MAST4: variants seen among roughly 807,000 people sequenced by gnomAD.
The protein encoded by MAST4 is microtubule-associated serine/threonine-protein kinase 4.
Under a neutral mutation model 162.7 loss-of-function variants are expected in MAST4, and 89 were observed. That is an observed-to-expected ratio of 0.55 (90% CI 0.46 to 0.65). The LOEUF is 0.65. Ranked by LOEUF, MAST4 falls within the 30% of genes least tolerant of loss-of-function variation. MAST4 has a pLI of 0.00. For synonymous variants in MAST4, 1,479 were observed against 1,361.1 expected, an observed-to-expected ratio of 1.09 and a Z score of -1.91; for missense variants, 3,153 against 3,374.0, an observed-to-expected ratio of 0.93 and a Z score of 1.62.
In MAST4 at chr5:67,167,644, A is replaced by AT. The variant is rs1468311849; in HGVS notation, c.*594dup. 6.6e-6 allele frequency: 1 copy of AT among 152,224 alleles called. No individual in the cohort carries two copies. Among genetic ancestry groups the AT allele is most frequent in the Non-Finnish European group, 1.5e-5 (1 of 68,046 alleles). 9.4% of individuals were successfully genotyped at this position (152,224 alleles called of 1,614,324 possible). On this transcript the variant is annotated 3_prime_UTR_variant, in exon 29 of 29. Coordinates refer to ENST00000403625, the MANE Select transcript of MAST4 (RefSeq NM_001164664.2). ...TAAACACAGTAGATTCTGAGTTTTT[A>AT]TGTGTATTTTAACCAGAGTTTCTGA... is the stretch of plus-strand genomic sequence containing the variant.
chr5:66,665,424 A>G (rs1417355996), intron 1 of MAST4, among the ~76,000 whole-genome samples: 1 of 152,216 alleles, frequency 6.6e-6, no homozygotes, highest in African/African-American at 2.4e-5. Context: ...CCTTTAAATA[A>G]TTAATGACAA....
intron 5 of MAST4, among the ~76,000 whole-genome samples, chr5:67,069,698 C>T (rs1220237359): frequency 1.3e-5 from 2 of 152,052 alleles, no homozygotes; most frequent in Non-Finnish European, 2.9e-5. Flanking sequence ...GGCCAGGTAT[C>T]CCCTTGTTTA....
intron 4 of MAST4, among the ~76,000 whole-genome samples, chr5:66,926,737 G>T (rs1255369314): frequency 2.6e-5 from 4 of 150,948 alleles, no homozygotes; most frequent in Admixed American, 1.3e-4. Flanking sequence ...GTTGCTTTTT[G>T]TTTTTTTGCT....
In MAST4 at chr5:67,102,590, C is replaced by A. The variant is rs771671231; in HGVS notation, c.1125C>A (p.Val375=). ...ATGAAATAATTATGATGAACCATGTCTACAAAGAAAGGTTCCCAAAGGTAA... is the reference window on the plus strand; with the variant it reads ...ATGAAATAATTATGATGAACCATGTATACAAAGAAAGGTTCCCAAAGGTAA... ...CDHEIIMMNH[V]YKERFPKATA... Residue 375 remains valine, a synonymous_variant, in exon 9 of 29, where the codon GTC becomes GTA. Transcript: ENST00000403625. The A allele has an allele frequency of 6.2e-7, 1 of 1,613,780 alleles. No individual in the cohort carries two copies. The highest frequency in any genetic ancestry group is 8.5e-7 in the Non-Finnish European group (1 of 1,179,722).
Position 66,937,165 on chromosome 5 carries a change from A to G in MAST4, c.674+37183A>G, listed in dbSNP as rs184360707. On this transcript the variant is annotated intron_variant, in intron 4 of 28. Transcript: ENST00000403625. Reference sequence around the variant, plus strand: ...TAATAAATATTTAAGCCCCTACTGTATGTCAAGCACTGCACATTTAGGTGT... The same window carrying G: ...TAATAAATATTTAAGCCCCTACTGTGTGTCAAGCACTGCACATTTAGGTGT... 4.3e-4 allele frequency among the ~76,000 whole-genome samples: 65 copies of G among 152,332 alleles called. 1 individual carries two copies. The highest frequency in any genetic ancestry group is 1.5e-3 in the African/African-American group (62 of 41,580).
chr5:66,970,792 C>T (rs1006655947), intron 4 of MAST4, among the ~76,000 whole-genome samples: 9 of 152,202 alleles, frequency 5.9e-5, no homozygotes, highest in African/African-American at 1.9e-4. Context: ...CAGTTTTCAC[C>T]CTGTGGCTGG....
chr5:66,726,675 G>A lies in MAST4; in HGVS notation c.364-33034G>A, dbSNP rs114913359. 9.5e-3 allele frequency among the ~76,000 whole-genome samples: 1,448 copies of A among 152,186 alleles called. 6 individuals carry two copies. Among genetic ancestry groups the A allele is most frequent in the Non-Finnish European group, 0.015 (1,026 of 67,998 alleles). ...TTCTTACTGGTCCATGGCCTCTTAG[G>A]ACCTAGGTCATACAGCAGGAGGTAA... On this transcript the variant is annotated intron_variant, in intron 1 of 28. Coordinates refer to ENST00000403625, the MANE Select transcript of MAST4 (RefSeq NM_001164664.2).
chr5:66,694,170 G>A (rs1749242069), intron 1 of MAST4, among the ~76,000 whole-genome samples: 1 of 152,196 alleles, frequency 6.6e-6, no homozygotes, highest in Admixed American at 6.5e-5. Context: ...TGGACATCTT[G>A]AATTTGAATT....
Position 66,756,451 on chromosome 5 carries a change from C to G in MAST4, c.364-3258C>G, listed in dbSNP as rs116735100. On this transcript the variant is annotated intron_variant, in intron 1 of 28. Coordinates refer to ENST00000403625, the MANE Select transcript of MAST4 (RefSeq NM_001164664.2). ...GGGGTATCATGCCCAGGCTTAGATG[C>G]CCTTGAACATCAGTGAAAGTTTCAA... is the stretch of plus-strand genomic sequence containing the variant. Among the ~76,000 whole-genome samples the G allele has an allele frequency of 5.4e-3, 821 of 152,262 alleles. 7 individuals are homozygous for G. Among genetic ancestry groups the G allele is most frequent in the South Asian group, 0.05 (240 of 4,824 alleles).
chr5:66,988,153 A>T (rs1156693960), intron 4 of MAST4, among the ~76,000 whole-genome samples: 1 of 152,210 alleles, frequency 6.6e-6, no homozygotes, highest in African/African-American at 2.4e-5. Flanking sequence ...TACTTCAGCC[A>T]CTAGAGGGAA....
intron 4 of MAST4, among the ~76,000 whole-genome samples, chr5:67,027,551 T>A (rs1754812253): frequency 1.3e-5 from 2 of 152,210 alleles, no homozygotes; most frequent in African/African-American, 4.8e-5. Context: ...ATGGCAGAGC[T>A]TCCTTCTAGT....
chr5:67,147,389 G>T (rs907136160), intron 23 of MAST4, among the ~76,000 whole-genome samples: 1 of 152,154 alleles, frequency 6.6e-6, no homozygotes, highest in African/African-American at 2.4e-5. Context: ...TCTACCATTG[G>T]CAGAAAAGAA....
chr5:67,038,127 C>T (rs1756256151), intron 4 of MAST4, among the ~76,000 whole-genome samples: 1 of 152,054 alleles, frequency 6.6e-6, no homozygotes, highest in South Asian at 2.1e-4. Context: ...AACACCTTAA[C>T]CTATGATGGG....
intron 4 of MAST4, among the ~76,000 whole-genome samples, chr5:67,004,173 C>T (rs934785989): frequency 3.9e-5 from 6 of 152,042 alleles, no homozygotes; most frequent in Non-Finnish European, 5.9e-5. Context: ...GCCCAGGCTG[C>T]GGGGCTGTCC....
chr5:66,740,559 TCTC>T (rs1257270020), intron 1 of MAST4, among the ~76,000 whole-genome samples: 1 of 152,234 alleles, frequency 6.6e-6, no homozygotes, highest in Admixed American at 6.5e-5. Context: ...TCTCCTTTCT[TCTC>T]TCCCATCCAT....
Position 66,596,657 on chromosome 5 carries a change from TG to T in MAST4, c.7del (p.Glu3?). On this transcript the variant is annotated frameshift_variant and start_lost, in exon 1 of 29. Coordinates refer to ENST00000403625, the MANE Select transcript of MAST4 (RefSeq NM_001164664.2). LOFTEE classifies it high-confidence loss of function. ...AGGCACTTTGGGCCAGACAGGGAAATGGGGGAGAAAGTTTCGGAGGCGCCAG... is the reference window on the plus strand; with the variant it reads ...AGGCACTTTGGGCCAGACAGGGAAATGGGGAGAAAGTTTCGGAGGCGCCAG... [M>X]GEKVSEAPEP... 3 of 1,453,326 alleles carry T rather than the reference TG, an allele frequency of 2.1e-6. No individual in the cohort carries two copies. Among genetic ancestry groups the T allele is most frequent in the South Asian group, 1.4e-5 (1 of 69,366 alleles). 90.0% of individuals were successfully genotyped at this position (1,453,326 alleles called of 1,614,324 possible).
At chr5:66,615,585 C>T (rs762708120) in intron 1 of MAST4, among the ~76,000 whole-genome samples, 52 of 151,802 alleles carry the variant, frequency 3.4e-4, no homozygotes, top group Admixed American at 2.2e-3. Flanking sequence ...GAGGCTGAAG[C>T]GGGAGGATCA....
chr5:66,772,288 A>T (rs1025399363), intron 2 of MAST4, among the ~76,000 whole-genome samples: 2 of 152,156 alleles, frequency 1.3e-5, no homozygotes, highest in Admixed American at 1.3e-4. Context: ...TCTTCTGATG[A>T]TGTTTCAGTT....
chr5:66,649,444 C>G (rs1340809576), intron 1 of MAST4, among the ~76,000 whole-genome samples: 2 of 152,172 alleles, frequency 1.3e-5, no homozygotes, highest in African/African-American at 4.8e-5. Flanking sequence ...GGGCCATACC[C>G]TCACCCTTTT....
Sources: allele counts gnomAD v4.1 joint callset (sites outside exome capture counted in the v4.1 genomes callset), GRCh38; gene constraint gnomAD v4.1.1; transcripts MANE v1.5; gene names NCBI Gene and HGNC (gene_info 2026-07-23, HGNC 2026-07-21).